The following HTR4 variants were observed in gnomAD, a reference collection of about 807,000 sequenced individuals.
HTR4 encodes the protein 5-hydroxytryptamine (serotonin) receptor 4, G protein-coupled.
HTR4 carries 16 observed loss-of-function variants against 36.8 expected under a neutral mutation model. That is an observed-to-expected ratio of 0.43 (90% confidence interval 0.29 to 0.66). The LOEUF is 0.66. Among genes scored for constraint, HTR4 ranks in the 30% least tolerant of loss-of-function variants. The pLI is 0.13. For synonymous variants in HTR4, 189 were observed against 185.1 expected (o/e 1.02, Z -0.17); for missense variants, 438 against 490.9 (o/e 0.89, Z 1.02).
intron 5 of HTR4, among the ~76,000 whole-genome samples, chr5:148,516,129 A>G (rs994413388): frequency 6.6e-6 from 1 of 151,522 alleles, no homozygotes; most frequent in Admixed American, 6.6e-5. Flanking sequence ...ATATTTTATT[A>G]CAAGGTTATG....
chr5:148,468,980 T>C (rs1755501760), intron 5 of HTR4, among the ~76,000 whole-genome samples: 1 of 152,164 alleles, frequency 6.6e-6, no homozygotes, highest in Non-Finnish European at 1.5e-5. Flanking sequence ...TCCGCCGTGA[T>C]TGTAAGTTTC....
At chr5:148,475,649 A>G (rs1476747900), downstream of HTR4, among the ~76,000 whole-genome samples, 1 of 152,174 alleles carries the variant, frequency 6.6e-6, no homozygotes, top group Non-Finnish European at 1.5e-5. Context: ...CACAGAAACA[A>G]TCACTGCCTG....
At chr5:148,538,089 C>A (rs1239954492) in intron 4 of HTR4, among the ~76,000 whole-genome samples, 3 of 151,944 alleles carry the variant, frequency 2.0e-5, no homozygotes, top group Non-Finnish European at 1.5e-5. Context: ...CACAAACCAA[C>A]AAATGTGATT....
At chr5:148,477,659 T>TA (rs1016657343), downstream of HTR4, among the ~76,000 whole-genome samples, 12 of 152,236 alleles carry the variant, frequency 7.9e-5, no homozygotes, top group African/African-American at 2.9e-4. Context: ...GTGTCTCATG[T>TA]AAAATGCTTT....
chr5:148,580,236 T>C (rs1315865433), intron 2 of HTR4, among the ~76,000 whole-genome samples: 1 of 152,068 alleles, frequency 6.6e-6, no homozygotes, highest in East Asian at 1.9e-4. Flanking sequence ...TTTTCATTAC[T>C]TCATTGTCCC....
At chr5:148,486,295 C>T (rs1477642222) in intron 6 of HTR4, among the ~76,000 whole-genome samples, 1 of 152,116 alleles carries the variant, frequency 6.6e-6, no homozygotes, top group East Asian at 1.9e-4. Flanking sequence ...AAATGTGGTA[C>T]ATTATACTGC....
At chr5:148,538,134 T>A (rs905114229) in intron 4 of HTR4, among the ~76,000 whole-genome samples, 4 of 152,022 alleles carry the variant, frequency 2.6e-5, no homozygotes, top group Non-Finnish European at 5.9e-5. Context: ...AAAAACCACA[T>A]GATAATCTCA....
chr5:148,636,867 A>G (rs1753558849), intron 2 of HTR4, 122 bp downstream of exon 2: 2 of 636,912 alleles, frequency 3.1e-6, no homozygotes, highest in African/African-American at 3.7e-5. Context: ...ATGATTATAT[A>G]TGAAACATCA....
chr5:148,531,351 A>T lies in HTR4; in HGVS notation c.354-8005T>A, dbSNP rs530373480. Reference sequence around the variant, plus strand: ...GGTGGGTGTTCCCCATGCTATTCTCATGATGGTGAATGGGTCTCAAAAGAT... The same window carrying T: ...GGTGGGTGTTCCCCATGCTATTCTCTTGATGGTGAATGGGTCTCAAAAGAT... On this transcript the variant is annotated intron_variant, in intron 4 of 6. Coordinates refer to ENST00000377888, the MANE Select transcript of HTR4 (RefSeq NM_000870.7). 4.6e-5 allele frequency among the ~76,000 whole-genome samples: 7 copies of T among 152,164 alleles called. No homozygotes were observed. In the East Asian group the frequency reaches 1.4e-3, roughly 30 times the overall value.
chr5:148,546,105 A>T (rs779882954), intron 4 of HTR4, among the ~76,000 whole-genome samples: 36 of 152,192 alleles, frequency 2.4e-4, no homozygotes, highest in Non-Finnish European at 4.4e-4. Flanking sequence ...CTATCAGAAT[A>T]ACTACCTGGT....
intron 4 of HTR4, among the ~76,000 whole-genome samples, chr5:148,526,295 C>T (rs1758274230): frequency 6.6e-6 from 1 of 152,192 alleles, no homozygotes; most frequent in Non-Finnish European, 1.5e-5. Flanking sequence ...CCAGATATAT[C>T]TTTCATAGTA....
intron 5 of HTR4, among the ~76,000 whole-genome samples, chr5:148,460,881 GA>G (rs1755260740): frequency 6.6e-6 from 1 of 151,986 alleles, no homozygotes; most frequent in African/African-American, 2.4e-5. Flanking sequence ...TCATAAAGTT[GA>G]AAAATTGTTA....
In HTR4 at chr5:148,584,821, T is replaced by C. The variant is rs145964556; in HGVS notation, c.27-34559A>G. On this transcript the variant is annotated intron_variant, in intron 2 of 6. Transcript: ENST00000377888. ...AATAAAGATTGCTGGCATCACATCT[T>C]CCCTTTTCTTCTCTTTGAACCAAAA... 1.9e-3 allele frequency among the ~76,000 whole-genome samples: 296 copies of C among 152,266 alleles called. 7 individuals are homozygous for C. In the East Asian group the frequency reaches 0.032, roughly 16 times the overall value.
intron 2 of HTR4, among the ~76,000 whole-genome samples, chr5:148,614,362 C>T (rs1310483476): frequency 1.3e-5 from 2 of 151,950 alleles, no homozygotes; most frequent in Non-Finnish European, 2.9e-5. Context: ...GAACAGAGCC[C>T]TCAGAAATAA....
At chr5:148,567,034 C>T (rs181745352) in intron 2 of HTR4, among the ~76,000 whole-genome samples, 55 of 151,850 alleles carry the variant, frequency 3.6e-4, no homozygotes, top group Admixed American at 6.6e-4. Context: ...ATATGAAATC[C>T]GCACGTATTG....
At chr5:148,600,593 A>G (rs1166899815) in intron 2 of HTR4, among the ~76,000 whole-genome samples, 2 of 151,766 alleles carry the variant, frequency 1.3e-5, no homozygotes, top group African/African-American at 4.8e-5. Flanking sequence ...AACTATCCAG[A>G]AAAAACAAAT....
chr5:148,482,559 G>A lies in HTR4; in HGVS notation c.*644C>T. The A allele has an allele frequency of 1.0e-6, 1 of 986,244 alleles. No homozygotes were observed. The highest frequency in any genetic ancestry group is 1.2e-6 in the Non-Finnish European group (1 of 830,504). The allele number at this position is 986,244 out of a possible 1,614,324, so 61.1% of individuals were successfully genotyped here. ...GGAGCATGTCCTGAAGAGGAGGACA[G>A]ACATTGGACATAAGGAAGAGCAAGT... is the stretch of plus-strand genomic sequence containing the variant. On this transcript the variant is annotated 3_prime_UTR_variant, in exon 7 of 7. Coordinates refer to ENST00000377888, the MANE Select transcript of HTR4 (RefSeq NM_000870.7).
chr5:148,508,945 C>T (rs1427447917), intron 6 of HTR4, among the ~76,000 whole-genome samples: 2 of 151,474 alleles, frequency 1.3e-5, no homozygotes, highest in South Asian at 2.1e-4. Context: ...GAAAGTAAAA[C>T]CAAGAGAGAG....
intron 2 of HTR4, 65 bp from the exon 3 acceptor site, chr5:148,550,327 C>A (rs1759621989): frequency 6.3e-7 from 1 of 1,593,686 alleles, no homozygotes; most frequent in Non-Finnish European, 8.6e-7. Context: ...GAAAATTCGT[C>A]TTTTCATCAT....
Sources: allele counts gnomAD v4.1 joint callset (sites outside exome capture counted in the v4.1 genomes callset), GRCh38; gene constraint gnomAD v4.1.1; transcripts MANE v1.5; gene names NCBI Gene and HGNC (gene_info 2026-07-23, HGNC 2026-07-21).